FRMPD4: variants seen among roughly 807,000 people sequenced by gnomAD.
FRMPD4 encodes the protein FERM and PDZ domain containing 4.
A neutral mutation model predicts 94.1 loss-of-function variants in FRMPD4; 22 were observed. The ratio of observed to expected loss-of-function variants is 0.23; its 90% CI spans 0.17 to 0.33. The LOEUF (loss-of-function observed/expected upper bound fraction) is 0.33. Among genes scored for constraint, FRMPD4 ranks in the 10% least tolerant of loss-of-function variants. FRMPD4 has a pLI of 1.00. For missense variants in FRMPD4, 1,111 were observed against 1,339.9 expected (o/e 0.83, Z 2.67); for synonymous variants, 631 against 548.6 (o/e 1.15, Z -2.10).
intron 1 of FRMPD4, among the ~76,000 whole-genome samples, chrX:12,310,355 G>A (rs931331718): frequency 1.8e-5 from 2 of 111,010 alleles, no homozygotes; most frequent in East Asian, 2.8e-4. Context: ...AATGTCATCA[G>A]TTAAGGTGGG....
intron 3 of FRMPD4, among the ~76,000 whole-genome samples, chrX:12,068,483 C>T (rs1026067744): frequency 1.8e-5 from 2 of 111,834 alleles, no homozygotes; most frequent in Admixed American, 1.9e-4. Flanking sequence ...AGGAAACCAT[C>T]ATTTGGGGAA....
At chrX:12,548,746 A>C (rs1265683075) in intron 2 of FRMPD4, among the ~76,000 whole-genome samples, 2 of 112,125 alleles carry the variant, frequency 1.8e-5, no homozygotes, top group African/African-American at 6.5e-5. Context: ...AAGGGGCCAT[A>C]AACAAGGTTA....
intron 1 of FRMPD4, among the ~76,000 whole-genome samples, chrX:12,164,892 G>T (rs1416873948): frequency 9.0e-6 from 1 of 111,730 alleles, no homozygotes; most frequent in Non-Finnish European, 1.9e-5. Context: ...TTTTTGATGG[G>T]GTTGTTTGTT....
At chrX:12,347,366 T>C (rs1403470526) in intron 1 of FRMPD4, among the ~76,000 whole-genome samples, 1 of 110,719 alleles carries the variant, frequency 9.0e-6, no homozygotes, top group Non-Finnish European at 1.9e-5. Flanking sequence ...GCCTCTCAAG[T>C]AGCTAGGTCT....
intron 3 of FRMPD4, among the ~76,000 whole-genome samples, chrX:12,070,274 G>A (rs2054955849): frequency 9.1e-6 from 1 of 110,315 alleles, no homozygotes; most frequent in Non-Finnish European, 1.9e-5. Context: ...CAATTTACAG[G>A]GATATATATG....
chrX:12,704,693 T>G (rs2041844414), intron 11 of FRMPD4, among the ~76,000 whole-genome samples: 1 of 112,732 alleles, frequency 8.9e-6, no homozygotes, highest in Non-Finnish European at 1.9e-5. Flanking sequence ...TCTCACAAGT[T>G]ATGGACTCCG....
chrX:12,186,345 TAAATA>T (rs1424704004), intron 1 of FRMPD4, among the ~76,000 whole-genome samples: 75 of 111,919 alleles, frequency 6.7e-4, no homozygotes, highest in African/African-American at 2.4e-3. Context: ...AAATAATGTT[TAAATA>T]AAATAAGTAA....
chrX:12,714,852 A>T (rs917934065), intron 14 of FRMPD4, among the ~76,000 whole-genome samples: 3 of 112,309 alleles, frequency 2.7e-5, no homozygotes, highest in Non-Finnish European at 5.6e-5. Flanking sequence ...GTATGGTAAG[A>T]TGCAAATATG....
At chrX:12,472,938 A>G (rs2057534494) in intron 1 of FRMPD4, among the ~76,000 whole-genome samples, 1 of 109,828 alleles carries the variant, frequency 9.1e-6, no homozygotes, top group Non-Finnish European at 1.9e-5. Flanking sequence ...GCAGGCCAAC[A>G]TTCGGATTCA....
In FRMPD4 at chrX:12,634,824, C is replaced by CTTTT. The variant is rs780126204; in HGVS notation, c.422+19967_422+19970dup. Among the ~76,000 whole-genome samples, 58 of 52,225 alleles carry CTTTT rather than the reference C, an allele frequency of 1.1e-3. 4 individuals carry two copies. Among genetic ancestry groups the CTTTT allele is most frequent in the African/African-American group, 2.2e-3 (25 of 11,567 alleles). The allele number at this position is 52,225 out of a possible 115,157, so 45.4% of individuals were successfully genotyped here. A position where few individuals can be genotyped will look rare whatever the true frequency, so the allele number is the denominator to read the frequency against. On this transcript the variant is annotated intron_variant, in intron 4 of 16. Coordinates refer to ENST00000675598, the MANE Select transcript of FRMPD4 (RefSeq NM_001368397.1). The stretch of plus-strand genomic sequence containing the variant: ...TCTTTTCTCTATGAAGTCCATCTCT[C>CTTTT]TTTTTTTTTTTTTTTTTTTTTTTTT...
At chrX:11,963,340 T>C (rs780752389) in intron 3 of FRMPD4, among the ~76,000 whole-genome samples, 2 of 112,069 alleles carry the variant, frequency 1.8e-5, no homozygotes, top group Non-Finnish European at 3.8e-5. Flanking sequence ...GTTTTGGACA[T>C]AAAACATTTT....
rs1240627392 is a variant in FRMPD4, at chrX:12,065,207, G to C, written c.95+187189G>C. Among the ~76,000 whole-genome samples, 3 of 112,049 alleles carry C rather than the reference G, an allele frequency of 2.7e-5. No individual in the cohort carries two copies. In the Admixed American group the frequency reaches 2.8e-4, roughly 11 times the overall value. On this transcript the variant is annotated intron_variant, in intron 3 of 18. Transcript: ENST00000640291. ...AAATAAATCACTAAACCTTTAAACAGATTTCTGTATGAGCTCCAGGTATTC... is the reference window on the plus strand; with the variant it reads ...AAATAAATCACTAAACCTTTAAACACATTTCTGTATGAGCTCCAGGTATTC...
chrX:11,921,883 C>A (rs2054058596), intron 3 of FRMPD4, among the ~76,000 whole-genome samples: 2 of 111,910 alleles, frequency 1.8e-5, no homozygotes, highest in African/African-American at 6.5e-5. Flanking sequence ...CAGTATGATG[C>A]AGGTTAGGTA....
chrX:12,350,903 C>T (rs1049570106), intron 1 of FRMPD4, among the ~76,000 whole-genome samples: 12 of 112,586 alleles, frequency 1.1e-4, no homozygotes, highest in South Asian at 3.6e-4. Context: ...TGGCCGGGCA[C>T]AGTGGCTCAC....
chrX:12,446,354 A>G (rs1360274150), intron 1 of FRMPD4, among the ~76,000 whole-genome samples: 1 of 112,418 alleles, frequency 8.9e-6, no homozygotes, highest in Non-Finnish European at 1.9e-5. Flanking sequence ...TCCACTAAGT[A>G]GCAACTTGCA....
At chrX:12,468,387 G>A (rs1362482473) in intron 1 of FRMPD4, among the ~76,000 whole-genome samples, 2 of 111,941 alleles carry the variant, frequency 1.8e-5, no homozygotes, top group African/African-American at 3.2e-5. Flanking sequence ...CAAAAACTAT[G>A]AGCAAGATTG....
chrX:12,073,585 T>C (rs1013670702), intron 3 of FRMPD4, among the ~76,000 whole-genome samples: 2 of 112,246 alleles, frequency 1.8e-5, no homozygotes, highest in Non-Finnish European at 3.8e-5. Context: ...TTATGGCATA[T>C]GCCTAGCAGT....
chrX:12,663,668 T>C (rs900803925), intron 4 of FRMPD4, among the ~76,000 whole-genome samples: 4 of 112,373 alleles, frequency 3.6e-5, no homozygotes, highest in African/African-American at 1.3e-4. Context: ...TTGCTTAGGA[T>C]TGTCTTGGCT....
intron 3 of FRMPD4, among the ~76,000 whole-genome samples, chrX:12,093,059 C>G (rs902304350): frequency 9.0e-6 from 1 of 111,063 alleles, no homozygotes; most frequent in Non-Finnish European, 1.9e-5. Context: ...TTGGAAGATA[C>G]ATGCTTAATT....
Sources: gnomAD v4.1 joint callset for allele counts (sites outside exome capture counted in the v4.1 genomes callset) on GRCh38, gnomAD v4.1.1 for gene constraint, MANE v1.5 for transcripts, NCBI Gene and HGNC (gene_info 2026-07-23, HGNC 2026-07-21) for gene names.